The following CREBBP variants were observed in gnomAD, a reference collection of about 807,000 sequenced individuals.
CREBBP encodes CREB binding lysine acetyltransferase, also known as CREB-binding protein.
A neutral mutation model predicts 265.0 loss-of-function variants in CREBBP; 19 were observed. The observed-to-expected ratio is 0.07, with a 90% CI of 0.05 to 0.11. CREBBP has a LOEUF of 0.11. Ranked by LOEUF, CREBBP falls within the 10% of genes least tolerant of loss-of-function variation. The pLI, the probability that CREBBP is intolerant of heterozygous loss-of-function variation, is 1.00. For synonymous variants in CREBBP, 1,457 were observed against 1,223.7 expected (o/e 1.19, Z -3.98); for missense variants, 2,525 against 3,219.0 (o/e 0.78, Z 5.22).
chr16:3,847,801 C>T (rs1373199988), intron 2 of CREBBP, among the ~76,000 whole-genome samples: 1 of 152,196 alleles, frequency 6.6e-6, no homozygotes. Context: ...AAGGATCCCA[C>T]AGACCAACAG....
At position 3,879,234 on chromosome 16, in the gene CREBBP, GCACACACACACACACA is replaced by G. The variant is rs77377127; in HGVS notation, c.85+582_85+597del. Reference sequence around the variant, plus strand: ...TAGTTGACTAAAAACACACACGCGCGCACACACACACACACACACACACACACAAAACAAGGAGTTT... The same window carrying G: ...TAGTTGACTAAAAACACACACGCGCGCACACACACACAAAACAAGGAGTTT... On this transcript the variant is annotated intron_variant, in intron 1 of 30. Coordinates refer to ENST00000262367, the MANE Select transcript of CREBBP (RefSeq NM_004380.3). Among the ~76,000 whole-genome samples the G allele has an allele frequency of 6.6e-5, 10 of 150,838 alleles. No individual in the cohort carries two copies. The East Asian group carries it at 2.0e-3, about 29-fold the overall frequency.
rs546475539 is a variant in CREBBP, at chr16:3,842,924, C to T, written c.798+7373G>A. Reference sequence around the variant, plus strand: ...GGGGTTGCAGTGAGCTGAGATCATGCCACTGCATTCCAGCCTAGGCAAAAA... The same window carrying T: ...GGGGTTGCAGTGAGCTGAGATCATGTCACTGCATTCCAGCCTAGGCAAAAA... On this transcript the variant is annotated intron_variant, in intron 2 of 30. Coordinates refer to ENST00000262367, the MANE Select transcript of CREBBP (RefSeq NM_004380.3). Among the ~76,000 whole-genome samples the T allele has an allele frequency of 4.4e-5, 6 of 137,140 alleles. No individual in the cohort carries two copies. In the South Asian group the frequency reaches 1.3e-3, roughly 31 times the overall value. 90.0% of individuals were successfully genotyped at this position (137,140 alleles called of 152,430 possible).
intron 11 of CREBBP, among the ~76,000 whole-genome samples, chr16:3,776,152 A>G (rs958706489): frequency 2.0e-5 from 3 of 151,966 alleles, no homozygotes; most frequent in Non-Finnish European, 4.4e-5. Context: ...TCCTGACCTC[A>G]AGTGATCCTC....
At chr16:3,861,746 A>G (rs936605615) in intron 1 of CREBBP, among the ~76,000 whole-genome samples, 2 of 151,776 alleles carry the variant, frequency 1.3e-5, no homozygotes, top group Non-Finnish European at 2.9e-5. Flanking sequence ...CAAGTTCCCA[A>G]AAGACATCTA....
chr16:3,850,204 C>A, intron 2 of CREBBP, 93 bp downstream of exon 2: 2 of 1,290,750 alleles, frequency 1.5e-6, no homozygotes, highest in Non-Finnish European at 2.3e-6. Flanking sequence ...AGAGGAAAAA[C>A]AGGAGTGGGC....
intron 15 of CREBBP, among the ~76,000 whole-genome samples, chr16:3,768,547 G>A (rs1194690410): frequency 2.6e-5 from 4 of 152,206 alleles, no homozygotes; most frequent in African/African-American, 4.8e-5. Context: ...CTCCTTGAAA[G>A]TTGGGGCAGG....
At chr16:3,878,616 G>A (rs992732281) in intron 1 of CREBBP, among the ~76,000 whole-genome samples, 1 of 152,046 alleles carries the variant, frequency 6.6e-6, no homozygotes, top group Non-Finnish European at 1.5e-5. Context: ...GCTAGTGGTC[G>A]GTCACAGAAC....
chr16:3,843,277 A>G (rs1019912488), intron 2 of CREBBP, among the ~76,000 whole-genome samples: 2 of 152,172 alleles, frequency 1.3e-5, no homozygotes, highest in African/African-American at 2.4e-5. Context: ...TTTTTTAAAC[A>G]AAGATTAAAA....
At chr16:3,738,799 G>T in intron 25 of CREBBP, 127 bp from the exon 26 acceptor site, 1 of 705,426 alleles carries the variant, frequency 1.4e-6, no homozygotes. Context: ...AGGCTGCAAT[G>T]CGGTGACGCG....
At chr16:3,737,018 A>G (rs965174442) in intron 26 of CREBBP, 2 of 654,380 alleles carry the variant, frequency 3.1e-6, no homozygotes, top group Non-Finnish European at 5.4e-6. Context: ...TAGCCCTGCA[A>G]CACTTCTCCC....
At chr16:3,754,484 T>G (rs1441753605) in intron 19 of CREBBP, among the ~76,000 whole-genome samples, 1 of 152,184 alleles carries the variant, frequency 6.6e-6, no homozygotes, top group African/African-American at 2.4e-5. Context: ...GAATATGGAA[T>G]TGCAAAGGAG....
chr16:3,821,172 C>T (rs763814279), intron 2 of CREBBP, among the ~76,000 whole-genome samples: 1 of 152,188 alleles, frequency 6.6e-6, no homozygotes, highest in Non-Finnish European at 1.5e-5. Flanking sequence ...ATTAGGTGAT[C>T]TTTAAAGTTC....
intron 2 of CREBBP, among the ~76,000 whole-genome samples, chr16:3,842,967 C>CAAAAAAAAAAA (rs59990532): frequency 7.7e-5 from 5 of 65,214 alleles, no homozygotes; most frequent in African/African-American, 3.2e-4. Context: ...ACTCCCATCT[C>CAAAAAAAAAAA]AAAAAAAAAA....
intron 1 of CREBBP, among the ~76,000 whole-genome samples, chr16:3,872,252 G>C (rs904900127): frequency 2.0e-5 from 3 of 152,118 alleles, no homozygotes; most frequent in African/African-American, 7.2e-5. Context: ...TTTAAAAAGA[G>C]AGGGGCCACT....
rs2151302027 is a variant in CREBBP at position 3,728,334 on chromosome 16, C to G, written c.6713G>C (p.Gly2238Ala). The stretch of plus-strand genomic sequence containing the variant: ...CTGCTGCATGGCCGGTGGGTAGCCT[C>G]CGGGTCCTTGAGGCTGCTGGAACTG... ...HGQFQQPQGP[G>A]GYPPAMQQQQ... The change falls in exon 31 of 31, where the codon GGA becomes GCA. Residue 2238 changes from glycine (G) to alanine (A), a missense_variant. Around this residue, in one of 19 missense-constraint regions of CREBBP, gnomAD observed 473 missense variants for 459.3 expected, o/e 1.03. Coordinates refer to ENST00000262367, the MANE Select transcript of CREBBP (RefSeq NM_004380.3). This position sits in a 1 kb window ranked among gnomAD's most constrained non-coding sequence, Gnocchi z 8.7. 6.2e-7 allele frequency: 1 copy of G among 1,612,596 alleles called. No homozygotes were observed. Among genetic ancestry groups the G allele is most frequent in the Non-Finnish European group, 8.5e-7 (1 of 1,179,686 alleles).
intron 30 of CREBBP, among the ~76,000 whole-genome samples, chr16:3,730,843 G>T (rs368536936): frequency 2.0e-5 from 3 of 152,116 alleles, no homozygotes; most frequent in East Asian, 3.9e-4. Context: ...GAGCATGACC[G>T]GGGGGTCCTT....
chr16:3,777,792 T>C (rs896469489), intron 10 of CREBBP, 135 bp from the exon 11 acceptor site: 14 of 1,131,780 alleles, frequency 1.2e-5, no homozygotes, highest in Non-Finnish European at 1.7e-5. Context: ...AAAGCACGTG[T>C]GTTCCAATGC....
chr16:3,814,189 G>GTGTGTGTGTGTT (rs965199175), intron 2 of CREBBP, among the ~76,000 whole-genome samples: 9 of 149,172 alleles, frequency 6.0e-5, no homozygotes, highest in African/African-American at 2.3e-4. Flanking sequence ...GTGTGTGTGT[G>GTGTGTGTGTGTT]TGTGTGTTTG....
At chr16:3,757,665 T>A in intron 18 of CREBBP, 144 bp downstream of exon 18, 1 of 1,237,934 alleles carries the variant, frequency 8.1e-7, no homozygotes, top group Non-Finnish European at 1.1e-6. Flanking sequence ...ACCCATCACA[T>A]CGCTTCAGGC....
Sources: gnomAD v4.1 joint callset for allele counts (sites outside exome capture counted in the v4.1 genomes callset) on GRCh38, gnomAD v4.1.1 for gene constraint, gnomAD v4.1.1 regional missense constraint, Gnocchi (gnomAD v3.1) non-coding constraint, MANE v1.5 for transcripts, NCBI Gene and HGNC (gene_info 2026-07-23, HGNC 2026-07-21) for gene names.